Variants in VWA8 observed in about 807,000 individuals in gnomAD.
The protein encoded by VWA8 is von Willebrand factor A domain containing 8.
Under a neutral mutation model 241.5 loss-of-function variants are expected in VWA8, and 221 were observed. The observed-to-expected ratio is 0.91, with a 90% CI of 0.82 to 1.02. VWA8 has a LOEUF of 1.02. VWA8 is among the 50% of genes least tolerant of loss of function. The probability of loss-of-function intolerance (pLI) is 0.00; values close to 1 mark genes in which losing one functional copy is unlikely to be tolerated. For synonymous variants in VWA8, 852 were observed against 827.1 expected (o/e 1.03, Z -0.52); for missense variants, 2,322 against 2,328.7 (o/e 1.00, Z 0.06).
chr13:41,796,659 G>A (rs529312539), intron 17 of VWA8, among the ~76,000 whole-genome samples: 25 of 151,738 alleles, frequency 1.6e-4, no homozygotes, highest in South Asian at 4.2e-4. Context: ...AATTTATGCC[G>A]TTAACTTCAT....
chr13:41,831,722 C>G (rs1310591876), intron 13 of VWA8, among the ~76,000 whole-genome samples: 2 of 148,704 alleles, frequency 1.3e-5, no homozygotes, highest in African/African-American at 5.0e-5. Flanking sequence ...TGGGTTCAAG[C>G]TATTCTCCTG....
intron 9 of VWA8, 48 bp downstream of exon 9, chr13:41,883,339 G>C: frequency 6.8e-7 from 1 of 1,481,376 alleles, no homozygotes; most frequent in Non-Finnish European, 9.4e-7. Context: ...AAAGGCAAGG[G>C]AAGGGAAAAT....
At chr13:41,954,269 T>C (rs1326675046) in intron 1 of VWA8, among the ~76,000 whole-genome samples, 2 of 152,050 alleles carry the variant, frequency 1.3e-5, no homozygotes, top group African/African-American at 4.8e-5. Flanking sequence ...CAGATCTCTC[T>C]CCTGAGTTTC....
At chr13:41,849,524 T>C (rs1046969732) in intron 12 of VWA8, among the ~76,000 whole-genome samples, 1 of 152,214 alleles carries the variant, frequency 6.6e-6, no homozygotes, top group African/African-American at 2.4e-5. Context: ...TCAATGACTA[T>C]AAAATCCTGA....
At chr13:41,789,129 T>C (rs1021067335) in intron 17 of VWA8, among the ~76,000 whole-genome samples, 4 of 152,180 alleles carry the variant, frequency 2.6e-5, no homozygotes, top group Non-Finnish European at 4.4e-5. Context: ...TAGAACATTC[T>C]AAGATACTGG....
intron 37 of VWA8, among the ~76,000 whole-genome samples, chr13:41,633,060 G>C (rs2044735758): frequency 6.6e-6 from 1 of 152,138 alleles, no homozygotes; most frequent in African/African-American, 2.4e-5. Context: ...CCGATACAGA[G>C]TATGAAACAG....
intron 37 of VWA8, among the ~76,000 whole-genome samples, chr13:41,632,109 T>A (rs765308186): frequency 6.6e-6 from 1 of 152,202 alleles, no homozygotes; most frequent in Non-Finnish European, 1.5e-5. Context: ...CATAACAACC[T>A]TGACTACAGC....
At chr13:41,745,649 C>T (rs2045600112) in intron 21 of VWA8, among the ~76,000 whole-genome samples, 2 of 152,040 alleles carry the variant, frequency 1.3e-5, no homozygotes, top group Admixed American at 6.6e-5. Context: ...AAAGCAAAAC[C>T]ACAATGAGAT....
chr13:41,909,223 T>TA (rs1875878056), intron 3 of VWA8, among the ~76,000 whole-genome samples: 2 of 152,226 alleles, frequency 1.3e-5, no homozygotes, highest in African/African-American at 4.8e-5. Flanking sequence ...CATGCCTGGC[T>TA]AATGTTTGTA....
chr13:41,684,339 T>G lies in VWA8; in HGVS notation c.4327+708A>C, dbSNP rs368279448. 1.8e-3 allele frequency among the ~76,000 whole-genome samples: 267 copies of G among 151,320 alleles called. 1 individual carries two copies. Among genetic ancestry groups the G allele is most frequent in the Non-Finnish European group, 2.6e-3 (177 of 67,910 alleles). On this transcript the variant is annotated intron_variant, in intron 35 of 44. Coordinates refer to ENST00000379310, the MANE Select transcript of VWA8 (RefSeq NM_015058.2). ...ACACAAGATAATATATCACTACCAC[T>G]GTGACATAAAAAAAAAAAGTCAATT...
At chr13:41,656,195 A>T (rs1464484781) in intron 37 of VWA8, among the ~76,000 whole-genome samples, 1 of 152,232 alleles carries the variant, frequency 6.6e-6, no homozygotes, top group African/African-American at 2.4e-5. Flanking sequence ...ATATGAAGGC[A>T]GAGCAGTTGA....
intron 4 of VWA8, chr13:41,904,982 G>A (rs1034774229): frequency 4.6e-5 from 7 of 151,946 alleles, no homozygotes; most frequent in African/African-American, 1.7e-4. Flanking sequence ...ATAAATATAA[G>A]CTTTTGAATA....
chr13:41,742,361 A>C (rs1256866087), intron 21 of VWA8, among the ~76,000 whole-genome samples: 1 of 152,204 alleles, frequency 6.6e-6, no homozygotes, highest in Non-Finnish European at 1.5e-5. Flanking sequence ...GTTCAAAGAT[A>C]TATCCCTGCC....
chr13:41,706,884 T>G (rs1196206004), intron 26 of VWA8, among the ~76,000 whole-genome samples: 1 of 152,218 alleles, frequency 6.6e-6, no homozygotes, highest in East Asian at 1.9e-4. Flanking sequence ...ATGTGTGGAT[T>G]TGATTTCATG....
intron 4 of VWA8, among the ~76,000 whole-genome samples, chr13:41,894,061 C>G (rs566389901): frequency 6.6e-6 from 1 of 152,284 alleles, no homozygotes; most frequent in South Asian, 2.1e-4. Context: ...ATACGACAGA[C>G]TAAATATTGC....
intron 19 of VWA8, 93 bp from the exon 20 acceptor site, chr13:41,778,149 T>A: frequency 1.3e-6 from 1 of 754,700 alleles, no homozygotes; most frequent in Non-Finnish European, 1.9e-6. Flanking sequence ...AATATAAATA[T>A]CTATTATAAT....
intron 21 of VWA8, among the ~76,000 whole-genome samples, chr13:41,747,747 C>T (rs542521666): frequency 6.6e-6 from 1 of 152,266 alleles, no homozygotes; most frequent in East Asian, 1.9e-4. Context: ...TCATAAATAG[C>T]TCTCATTATT....
At chr13:41,810,285 A>G (rs192913872) in intron 17 of VWA8, among the ~76,000 whole-genome samples, 1 of 152,272 alleles carries the variant, frequency 6.6e-6, no homozygotes, top group East Asian at 1.9e-4. Flanking sequence ...TATATGCCCA[A>G]CAGAAAGAAA....
At chr13:41,657,968 G>A (rs1461626111) in intron 37 of VWA8, among the ~76,000 whole-genome samples, 4 of 152,186 alleles carry the variant, frequency 2.6e-5, no homozygotes, top group Admixed American at 6.5e-5. Flanking sequence ...ACTTGCTAAC[G>A]CATCTTTTAA....
Sources: gnomAD v4.1 joint callset for allele counts (sites outside exome capture counted in the v4.1 genomes callset) on GRCh38, gnomAD v4.1.1 for gene constraint, MANE v1.5 for transcripts, NCBI Gene and HGNC (gene_info 2026-07-23, HGNC 2026-07-21) for gene names.